The following ANKRD36B variants were observed in gnomAD, a reference collection of about 807,000 sequenced individuals.
ANKRD36B encodes ankyrin repeat domain-containing protein 36B.
A neutral mutation model predicts 135.7 loss-of-function variants in ANKRD36B; 37 were observed. That is an observed-to-expected ratio of 0.27 (90% CI 0.21 to 0.36). The LOEUF (loss-of-function observed/expected upper bound fraction) is 0.36, where lower values mean the gene tolerates loss of function less well. Ranked by LOEUF, ANKRD36B falls within the 10% of genes least tolerant of loss-of-function variation. The pLI is 1.00. For synonymous variants in ANKRD36B, 179 were observed against 348.1 expected (o/e 0.51, Z 5.41); for missense variants, 549 against 1,037.1 (o/e 0.53, Z 6.46).
At chr2:97,562,767 T>C (rs2081142240) in intron 6 of ANKRD36B, among the ~76,000 whole-genome samples, 1 of 152,096 alleles carries the variant, frequency 6.6e-6, no homozygotes, top group African/African-American at 2.4e-5. Flanking sequence ...CATGTGAAGA[T>C]AAGGTTTTGC....
In ANKRD36B at chr2:97,584,527, C is replaced by G. The variant is rs527819723; in HGVS notation, c.450+417G>C. Among the ~76,000 whole-genome samples, 183 of 152,020 alleles carry G rather than the reference C, an allele frequency of 1.2e-3. 1 individual carries two copies. Among genetic ancestry groups the G allele is most frequent in the African/African-American group, 3.6e-3 (149 of 41,332 alleles). Reference sequence around the variant, plus strand: ...ATACAACACTTGTCAACAGCAACAACATGTACATTTATTGTGAAATTCTTT... The same window carrying G: ...ATACAACACTTGTCAACAGCAACAAGATGTACATTTATTGTGAAATTCTTT... On this transcript the variant is annotated intron_variant, in intron 3 of 43. Coordinates refer to ENST00000359901, the MANE Select transcript of ANKRD36B (RefSeq NM_001393939.1).
intron 6 of ANKRD36B, among the ~76,000 whole-genome samples, chr2:97,571,086 G>A (rs1210142846): frequency 6.6e-6 from 1 of 152,080 alleles, no homozygotes; most frequent in African/African-American, 2.4e-5. Context: ...TTGAGAATAT[G>A]GATGATTAAA....
At chr2:97,558,128 C>T (rs1174835455) in intron 10 of ANKRD36B, among the ~76,000 whole-genome samples, 7 of 151,904 alleles carry the variant, frequency 4.6e-5, no homozygotes, top group African/African-American at 7.3e-5. Context: ...ATCAACAAAA[C>T]GTATATCTCT....
At position 97,580,577 on chromosome 2, in the gene ANKRD36B, T is replaced by C; in HGVS notation, c.451-9A>G. 6.5e-7 allele frequency: 1 copy of C among 1,538,324 alleles called. No homozygotes were observed. Among genetic ancestry groups the C allele is most frequent in the South Asian group, 1.2e-5 (1 of 82,166 alleles). On this transcript the variant is annotated splice_polypyrimidine_tract_variant and intron_variant, in intron 3 of 43. Transcript: ENST00000359901. ...AGTGGCTGATATTCATTCTGTAAAA[T>C]AACAGCAACAATTTATAATCACAAA...
chr2:97,549,713 G>C, intron 18 of ANKRD36B, 99 bp from the exon 19 acceptor site: 1 of 1,579,634 alleles, frequency 6.3e-7, no homozygotes, highest in Non-Finnish European at 8.6e-7. Flanking sequence ...CCTCCTGCCT[G>C]TATTAGCGTA....
rs2077547100 is a variant in ANKRD36B at position 97,511,961 on chromosome 2, AT to A, written c.2896del (p.Ile966Ter). The stretch of plus-strand genomic sequence containing the variant: ...TTTCTTTTCCAGGTTTTGGTTTTTT[AT>A]TGTGTCTTTTTCCAGCCTGAGCCTG... ...IARLRLEKDT[I>X]KNQNLEKKYL... is the part of the protein sequence containing the mutation. On this transcript the variant is annotated frameshift_variant, in exon 39 of 44. Transcript: ENST00000359901. LOFTEE classifies it high-confidence loss of function. The A allele has an allele frequency of 7.5e-7, 1 of 1,326,670 alleles. No individual in the cohort carries two copies. The highest frequency in any genetic ancestry group is 2.3e-5 in the Admixed American group (1 of 43,522). 82.2% of individuals were successfully genotyped at this position (1,326,670 alleles called of 1,614,324 possible).
At chr2:97,561,247 T>C (rs1370794724) in intron 6 of ANKRD36B, among the ~76,000 whole-genome samples, 1 of 151,954 alleles carries the variant, frequency 6.6e-6, no homozygotes, top group African/African-American at 2.4e-5. Flanking sequence ...ATGTCTTTCA[T>C]GCAAGATATC....
chr2:97,522,181 C>A lies in ANKRD36B; in HGVS notation c.2407+1145G>T, dbSNP rs1314015152. 2.2e-5 allele frequency among the ~76,000 whole-genome samples: 2 copies of A among 91,476 alleles called. 1 individual carries two copies. Among genetic ancestry groups the A allele is most frequent in the East Asian group, 4.7e-4 (2 of 4,246 alleles). 60.0% of individuals were successfully genotyped at this position (91,476 alleles called of 152,430 possible). ...TCAACAATTAAATTGGATTTCATTACAATTAAAATCTTCTGCTCTTCAAAA... is the reference window on the plus strand; with the variant it reads ...TCAACAATTAAATTGGATTTCATTAAAATTAAAATCTTCTGCTCTTCAAAA... On this transcript the variant is annotated intron_variant, in intron 36 of 43. Transcript: ENST00000359901.
chr2:97,586,552 A>C (rs1218673370), intron 1 of ANKRD36B, among the ~76,000 whole-genome samples: 1 of 152,190 alleles, frequency 6.6e-6, no homozygotes, highest in African/African-American at 2.4e-5. Flanking sequence ...TCTGCTACAT[A>C]ATAGGTATTC....
At chr2:97,546,908 T>C (rs1369713689) in intron 22 of ANKRD36B, among the ~76,000 whole-genome samples, 1 of 151,686 alleles carries the variant, frequency 6.6e-6, no homozygotes, top group Non-Finnish European at 1.5e-5. Context: ...TGTGGTGTAT[T>C]CCAATTACAC....
At chr2:97,572,392 A>G (rs752244306) in intron 6 of ANKRD36B, among the ~76,000 whole-genome samples, 18 of 134,432 alleles carry the variant, frequency 1.3e-4, no homozygotes, top group Non-Finnish European at 2.3e-4. Flanking sequence ...AAGAAATATA[A>G]TACCAGAAAA....
At chr2:97,575,515 A>G (rs1485864350) in intron 6 of ANKRD36B, among the ~76,000 whole-genome samples, 2 of 151,046 alleles carry the variant, frequency 1.3e-5, no homozygotes, top group African/African-American at 4.9e-5. Context: ...AATGTTTTAC[A>G]TTCAATGTTC....
chr2:97,560,771 T>G, intron 7 of ANKRD36B, 34 bp from the exon 8 acceptor site: 2 of 1,594,658 alleles, frequency 1.3e-6, no homozygotes, highest in Non-Finnish European at 1.7e-6. Context: ...AATCAATATG[T>G]AAAGTAGGTT....
intron 26 of ANKRD36B, among the ~76,000 whole-genome samples, chr2:97,542,318 C>A (rs2104541704): frequency 1.8e-5 from 1 of 54,518 alleles, no homozygotes; most frequent in East Asian, 3.4e-4. Flanking sequence ...CTAAGCATTT[C>A]AAACGTAGTA....
chr2:97,551,054 C>G (rs2080008015), intron 18 of ANKRD36B, among the ~76,000 whole-genome samples: 1 of 151,856 alleles, frequency 6.6e-6, no homozygotes, highest in Non-Finnish European at 1.5e-5. Context: ...ATGTCTTCAA[C>G]TGCTCTCTAT....
chr2:97,540,180 T>C lies in ANKRD36B; in HGVS notation c.1914+21A>G, dbSNP rs781583750. Reference sequence around the variant, plus strand: ...AGACTATACAATTACTAGTTCACAATATAAATAAGAGTTTAATTACCTTCA... The same window carrying C: ...AGACTATACAATTACTAGTTCACAACATAAATAAGAGTTTAATTACCTTCA... On this transcript the variant is annotated intron_variant, in intron 29 of 43. Coordinates refer to ENST00000359901, the MANE Select transcript of ANKRD36B (RefSeq NM_001393939.1). 2.1e-6 allele frequency: 2 copies of C among 963,302 alleles called. 1 individual carries two copies. Among genetic ancestry groups the C allele is most frequent in the Non-Finnish European group, 3.1e-6 (2 of 638,900 alleles). 59.7% of individuals were successfully genotyped at this position (963,302 alleles called of 1,614,324 possible).
chr2:97,573,466 A>G (rs1264512756), intron 6 of ANKRD36B, among the ~76,000 whole-genome samples: 18 of 152,172 alleles, frequency 1.2e-4, no homozygotes. Context: ...ATACTGCCCA[A>G]GGTAATTTAT....
At chr2:97,574,660 A>G (rs1355958612) in intron 6 of ANKRD36B, among the ~76,000 whole-genome samples, 5 of 152,134 alleles carry the variant, frequency 3.3e-5, no homozygotes, top group Non-Finnish European at 7.3e-5. Context: ...CATGTTGGAG[A>G]GAGTCGGGAT....
At chr2:97,564,395 G>A (rs1365673257) in intron 6 of ANKRD36B, among the ~76,000 whole-genome samples, 1 of 152,074 alleles carries the variant, frequency 6.6e-6, no homozygotes, top group East Asian at 1.9e-4. Flanking sequence ...GATCCCATTT[G>A]TCAATTTTGG....
Sources: allele counts gnomAD v4.1 joint callset (sites outside exome capture counted in the v4.1 genomes callset), GRCh38; gene constraint gnomAD v4.1.1; transcripts MANE v1.5; gene names NCBI Gene and HGNC (gene_info 2026-07-23, HGNC 2026-07-21).